SCG5: variants seen among roughly 807,000 people sequenced by gnomAD.
SCG5 encodes the protein neuroendocrine protein 7B2.
Under a neutral mutation model 25.7 loss-of-function variants are expected in SCG5, and 18 were observed. The observed-to-expected ratio is 0.70, with a 90% CI of 0.48 to 1.04. The LOEUF is 1.04. Among genes scored for constraint, SCG5 ranks in the 50% least tolerant of loss-of-function variants. SCG5 has a pLI of 0.00. For missense variants in SCG5, 206 were observed against 259.8 expected (o/e 0.79, Z 1.42); for synonymous variants, 101 against 91.7 (o/e 1.10, Z -0.58).
intron 2 of SCG5, among the ~76,000 whole-genome samples, chr15:32,655,142 A>G (rs887080036): frequency 2.6e-5 from 4 of 152,100 alleles, no homozygotes; most frequent in African/African-American, 4.8e-5. Flanking sequence ...CCCCGTCTCT[A>G]CTAACAATAC....
Position 32,685,580 on chromosome 15 carries a change from C to T in SCG5, c.489+911C>T, listed in dbSNP as rs147247307. ...TGTTTGTAATAATATAGAACTTGTACTTATCAGATTCCCAGAGGATGACAT... is the reference window on the plus strand; with the variant it reads ...TGTTTGTAATAATATAGAACTTGTATTTATCAGATTCCCAGAGGATGACAT... On this transcript the variant is annotated intron_variant, in intron 4 of 5. Transcript: ENST00000300175. 2.9e-3 allele frequency among the ~76,000 whole-genome samples: 438 copies of T among 152,268 alleles called. 1 individual carries two copies. Among genetic ancestry groups the T allele is most frequent in the Middle Eastern group, 0.017 (5 of 294 alleles).
At chr15:32,670,213 G>A (rs76845289) in intron 2 of SCG5, among the ~76,000 whole-genome samples, 3,248 of 152,334 alleles carry the variant, frequency 0.021, 125 homozygotes, top group African/African-American at 0.075. Context: ...GTTTCATTTT[G>A]CTTATCTGCC....
In SCG5 at chr15:32,696,338, C is replaced by T. The variant is rs536580701; in HGVS notation, c.544-176C>T. Among the ~76,000 whole-genome samples the T allele has an allele frequency of 9.5e-4, 144 of 152,224 alleles. 2 individuals are homozygous for T. In the Middle Eastern group the frequency reaches 0.01, roughly 11 times the overall value. On this transcript the variant is annotated intron_variant, in intron 5 of 5. Coordinates refer to ENST00000300175, the MANE Select transcript of SCG5 (RefSeq NM_001144757.3). ...TTCACCGTGTTAGCCAGGATGGTCT[C>T]GATCTCCTGACCTCGTGATCTGCCC... is the stretch of plus-strand genomic sequence containing the variant.
In SCG5 at chr15:32,684,662, G is replaced by C. The variant is rs200135028; in HGVS notation, c.482G>C (p.Gly161Ala). Residue 161 changes from glycine to alanine, a missense_variant, in exon 4 of 6, where the codon GGC becomes GCC. By Grantham distance (60) the Gly-to-Ala change is moderately conservative (BLOSUM62 0). Transcript: ENST00000300175. The stretch of plus-strand genomic sequence containing the variant: ...CCGGAACATGACTATCCAGGCTTGG[G>C]CAAGTGGGTAAGTCCTATCTCAATT... ...FDPEHDYPGL[G>A]KWNKKLLYEK... is the part of the protein sequence containing the mutation. 6.2e-7 allele frequency: 1 copy of C among 1,610,112 alleles called. No individual in the cohort carries two copies. The highest frequency in any genetic ancestry group is 8.5e-7 in the Non-Finnish European group (1 of 1,176,734).
At position 32,694,258 on chromosome 15, in the gene SCG5, C is replaced by A. The variant is rs544233836; in HGVS notation, c.544-2256C>A. On this transcript the variant is annotated intron_variant, in intron 5 of 5. Coordinates refer to ENST00000300175, the MANE Select transcript of SCG5 (RefSeq NM_001144757.3). ...CATTAATTTTTCCCCTCCCCTCCAA[C>A]CTTTGCATGTTGTAGGTCTGGGCAG... Among the ~76,000 whole-genome samples the A allele has an allele frequency of 3.3e-5, 5 of 152,306 alleles. No homozygotes were observed. In the East Asian group the frequency reaches 5.8e-4, roughly 18 times the overall value.
intron 5 of SCG5, among the ~76,000 whole-genome samples, chr15:32,695,310 T>C (rs2054938364): frequency 6.6e-6 from 1 of 152,186 alleles, no homozygotes; most frequent in East Asian, 1.9e-4. Flanking sequence ...CCACCGCGCC[T>C]GGCTACAGCT....
intron 2 of SCG5, among the ~76,000 whole-genome samples, chr15:32,648,771 CT>C (rs67887619): frequency 0.38 from 42,756 of 111,366 alleles, 6,954 homozygotes; most frequent in East Asian, 0.49. Context: ...TTGCAGTCTC[CT>C]TTTTTTTTTT....
intron 4 of SCG5, among the ~76,000 whole-genome samples, chr15:32,688,321 A>T (rs2054761160): frequency 6.6e-6 from 1 of 152,214 alleles, no homozygotes; most frequent in Non-Finnish European, 1.5e-5. Flanking sequence ...TATTTACTTA[A>T]GAAAAAGTTG....
At position 32,684,253 on chromosome 15, in the gene SCG5, CCA is replaced by C. The variant is rs555563318; in HGVS notation, c.377-302_377-301del. On this transcript the variant is annotated intron_variant, in intron 3 of 5. Coordinates refer to ENST00000300175, the MANE Select transcript of SCG5 (RefSeq NM_001144757.3). ...ACTTGTGCCCACATTCTGTTGGCCT[CCA>C]CTCAGGCAAATGACTCCACGTGATT... Among the ~76,000 whole-genome samples, 241 of 152,292 alleles carry C rather than the reference CCA, an allele frequency of 1.6e-3. 1 individual carries two copies. Among genetic ancestry groups the C allele is most frequent in the African/African-American group, 5.5e-3 (229 of 41,556 alleles).
At chr15:32,690,813 T>C (rs1296033227) in intron 4 of SCG5, among the ~76,000 whole-genome samples, 1 of 151,960 alleles carries the variant, frequency 6.6e-6, no homozygotes, top group Non-Finnish European at 1.5e-5. Context: ...TTTGTTTTTT[T>C]TTTTTCTTAA....
At chr15:32,644,960 G>A (rs958466998) in intron 2 of SCG5, among the ~76,000 whole-genome samples, 2 of 152,192 alleles carry the variant, frequency 1.3e-5, no homozygotes, top group East Asian at 3.8e-4. Context: ...TTAAGCCATT[G>A]AGTAAAACTA....
chr15:32,693,106 A>G (rs1450430407), intron 5 of SCG5, among the ~76,000 whole-genome samples: 1 of 152,198 alleles, frequency 6.6e-6, no homozygotes, highest in Non-Finnish European at 1.5e-5. Context: ...TACCAGTAAC[A>G]CGGCTTGAAT....
chr15:32,665,116 C>T (rs1378148730), intron 2 of SCG5, among the ~76,000 whole-genome samples: 2 of 151,930 alleles, frequency 1.3e-5, no homozygotes, highest in Non-Finnish European at 2.9e-5. Context: ...TTGTGCCTAC[C>T]CAAAAAAGTC....
chr15:32,654,862 G>A (rs1395551291), intron 2 of SCG5, among the ~76,000 whole-genome samples: 1 of 152,162 alleles, frequency 6.6e-6, no homozygotes, highest in Non-Finnish European at 1.5e-5. Flanking sequence ...TGAGACACCA[G>A]CAAGTGGGAC....
intron 2 of SCG5, among the ~76,000 whole-genome samples, chr15:32,658,928 G>C (rs2054169381): frequency 6.6e-6 from 1 of 152,218 alleles, no homozygotes; most frequent in African/African-American, 2.4e-5. Context: ...CGTAATCCCA[G>C]CACTTTGGGA....
intron 1 of SCG5, 42 bp from the exon 2 acceptor site, chr15:32,643,544 C>A: frequency 6.9e-7 from 1 of 1,454,038 alleles, no homozygotes; most frequent in Non-Finnish European, 9.7e-7. Flanking sequence ...TCACAATTGC[C>A]GATTGTAGCC....
intron 5 of SCG5, among the ~76,000 whole-genome samples, chr15:32,696,105 ATTCTT>A (rs1309034108): frequency 6.6e-6 from 1 of 151,878 alleles, no homozygotes; most frequent in African/African-American, 2.4e-5. Flanking sequence ...GCCAGAAACA[ATTCTT>A]TTCTTTTCTT....
chr15:32,675,614 T>C (rs1451651961), intron 2 of SCG5, among the ~76,000 whole-genome samples: 1 of 152,224 alleles, frequency 6.6e-6, no homozygotes, highest in Non-Finnish European at 1.5e-5. Flanking sequence ...GTCTTTCACA[T>C]TTATGTCGTC....
At chr15:32,648,333 T>TTGG (rs2053977706) in intron 2 of SCG5, among the ~76,000 whole-genome samples, 1 of 152,312 alleles carries the variant, frequency 6.6e-6, no homozygotes, top group Non-Finnish European at 1.5e-5. Flanking sequence ...GCATGGAGTT[T>TTGG]TGAAATCGCC....
Sources: allele counts gnomAD v4.1 joint callset (sites outside exome capture counted in the v4.1 genomes callset), GRCh38; gene constraint gnomAD v4.1.1; transcripts MANE v1.5; gene names NCBI Gene and HGNC (gene_info 2026-07-23, HGNC 2026-07-21).